Variants in PPP6R2 observed in about 807,000 individuals in gnomAD.
PPP6R2 encodes the protein protein phosphatase 6 regulatory subunit 2, also known as serine/threonine-protein phosphatase 6 regulatory subunit 2.
A neutral mutation model predicts 100.2 loss-of-function variants in PPP6R2; 62 were observed. That is an observed-to-expected ratio of 0.62 (90% CI 0.50 to 0.76). PPP6R2 has a LOEUF of 0.76. PPP6R2 is among the 30% of genes least tolerant of loss of function. PPP6R2 has a pLI of 0.00. For synonymous variants in PPP6R2, 525 were observed against 514.7 expected (o/e 1.02, Z -0.27); for missense variants, 1,142 against 1,276.3 (o/e 0.89, Z 1.60).
rs548893595 is a variant in PPP6R2 at position 50,356,118 on chromosome 22, A to G, written c.-148+12568A>G. Among the ~76,000 whole-genome samples, 18 of 150,584 alleles carry G rather than the reference A, an allele frequency of 1.2e-4. No individual in the cohort carries two copies. In the East Asian group the frequency reaches 3.6e-3, roughly 30 times the overall value. On this transcript the variant is annotated intron_variant, in intron 1 of 23. Coordinates refer to ENST00000612753, the MANE Select transcript of PPP6R2 (RefSeq NM_001242898.2). ...GCTGGGACCACAGGCGCCCGCCACCACGCCCGGCTAATTTTTTCTATTTTT... is the reference window on the plus strand; with the variant it reads ...GCTGGGACCACAGGCGCCCGCCACCGCGCCCGGCTAATTTTTTCTATTTTT...
At position 50,394,080 on chromosome 22, in the gene PPP6R2, G is replaced by T; in HGVS notation, c.172G>T (p.Val58Leu). 6.2e-7 allele frequency: 1 copy of T among 1,614,196 alleles called. No homozygotes were observed. Among genetic ancestry groups the T allele is most frequent in the Non-Finnish European group, 8.5e-7 (1 of 1,180,044 alleles). The change falls in exon 3 of 24, where the codon GTG becomes TTG. Residue 58 changes from valine (V) to leucine (L), a missense_variant. Transcript: ENST00000612753. ...CAGGCAGCAGTGCATGGAGGAGCTG[G>T]TGAGCCTCATCACACAGGATCCGCC... ...LCRQQCMEEL[V>L]SLITQDPPLD...
chr22:50,425,435 T>G (rs888324229), intron 10 of PPP6R2, among the ~76,000 whole-genome samples: 3 of 152,256 alleles, frequency 2.0e-5, no homozygotes, highest in Non-Finnish European at 4.4e-5. Context: ...TTGGCTATTG[T>G]GAATAACACT....
At chr22:50,438,467 C>T (rs1448282418) in intron 18 of PPP6R2, 132 bp from the exon 19 acceptor site, 3 of 1,428,602 alleles carry the variant, frequency 2.1e-6, no homozygotes, top group Admixed American at 2.1e-5. Context: ...GAGCTGAGGC[C>T]TGGAGCGTCT....
chr22:50,367,837 T>C (rs1270785105), intron 1 of PPP6R2, among the ~76,000 whole-genome samples: 1 of 152,070 alleles, frequency 6.6e-6, no homozygotes, highest in African/African-American at 2.4e-5. Context: ...GAAAAGACAG[T>C]TGGGCCTGGG....
At chr22:50,338,925 A>T (rs1420227588), upstream of PPP6R2, among the ~76,000 whole-genome samples, 2 of 71,898 alleles carry the variant, frequency 2.8e-5, no homozygotes, top group African/African-American at 1.3e-4. Flanking sequence ...TGTGTGTGGT[A>T]TGTGGTGTGT....
intron 12 of PPP6R2, 38 bp from the exon 13 acceptor site, chr22:50,434,928 G>A: frequency 3.2e-6 from 5 of 1,571,978 alleles, no homozygotes; most frequent in Non-Finnish European, 4.3e-6. Context: ...GCAAGGTCGG[G>A]GCCAGGAGGC....
At chr22:50,406,665 A>G (rs570640598) in intron 3 of PPP6R2, 24 bp from the exon 4 acceptor site, 1 of 1,600,140 alleles carries the variant, frequency 6.2e-7, no homozygotes, top group South Asian at 1.1e-5. Flanking sequence ...TTTCACCTCC[A>G]GTGCTTGGAC....
intron 4 of PPP6R2, among the ~76,000 whole-genome samples, chr22:50,414,330 GGCCCCCCCCCCCC>G (rs1569451690): frequency 7.1e-5 from 2 of 28,218 alleles, no homozygotes; most frequent in African/African-American, 1.1e-4. Flanking sequence ...CCTGTGCAGT[GGCCCCCCCCCCCC>G]CCCCCCCGCC....
At chr22:50,393,622 AG>A (rs1275923935) in intron 2 of PPP6R2, 3 of 949,946 alleles carry the variant, frequency 3.2e-6, no homozygotes, top group Non-Finnish European at 3.8e-6. Context: ...GTGCAGCCTC[AG>A]AGCTGTTGAG....
At chr22:50,404,187 C>A (rs1408297576) in intron 3 of PPP6R2, among the ~76,000 whole-genome samples, 2 of 151,646 alleles carry the variant, frequency 1.3e-5, no homozygotes, top group African/African-American at 4.9e-5. Flanking sequence ...CTCTGCCTCC[C>A]AGGTTCAAGT....
At chr22:50,424,308 G>A (rs2061711994) in intron 10 of PPP6R2, among the ~76,000 whole-genome samples, 1 of 151,848 alleles carries the variant, frequency 6.6e-6, no homozygotes, top group African/African-American at 2.4e-5. Flanking sequence ...TCGAAGTGCT[G>A]TCTGGCTCAG....
chr22:50,401,620 T>G (rs1414384760), intron 3 of PPP6R2, among the ~76,000 whole-genome samples: 1 of 150,800 alleles, frequency 6.6e-6, no homozygotes, highest in Non-Finnish European at 1.5e-5. Flanking sequence ...CACACCATTC[T>G]CCCGCCTCAG....
rs147975719 is a variant in PPP6R2, at chr22:50,413,935, G to A, written c.415-617G>A. ...ACTTCTCCACTGTTACCTTGGATCCGCCGTCTGAGCAGCCCACTGCGTCTG... is the reference window on the plus strand; with the variant it reads ...ACTTCTCCACTGTTACCTTGGATCCACCGTCTGAGCAGCCCACTGCGTCTG... On this transcript the variant is annotated intron_variant, in intron 4 of 23. Transcript: ENST00000612753. Among the ~76,000 whole-genome samples, 34 of 152,298 alleles carry A rather than the reference G, an allele frequency of 2.2e-4. No homozygotes were observed. The East Asian group carries it at 3.3e-3, about 15-fold the overall frequency.
At chr22:50,422,572 C>T (rs1355094067) in intron 9 of PPP6R2, among the ~76,000 whole-genome samples, 192 bp downstream of exon 9, 2 of 152,180 alleles carry the variant, frequency 1.3e-5, no homozygotes, top group Admixed American at 6.5e-5. Flanking sequence ...GACTGCCCCT[C>T]CCAGATCTGC....
chr22:50,389,670 C>G (rs976112775), intron 2 of PPP6R2, among the ~76,000 whole-genome samples: 1 of 151,738 alleles, frequency 6.6e-6, no homozygotes, highest in Non-Finnish European at 1.5e-5. Flanking sequence ...GTGATTTCAG[C>G]TCACTGCAAC....
At chr22:50,393,534 G>C (rs1010655137) in intron 2 of PPP6R2, 1 of 985,082 alleles carries the variant, frequency 1.0e-6, no homozygotes, top group African/African-American at 1.7e-5. Flanking sequence ...TGGTGGGTGG[G>C]GGACAGTGTG....
At chr22:50,339,606 GGTGT>G (rs1238088780), upstream of PPP6R2, among the ~76,000 whole-genome samples, 1 of 116,096 alleles carries the variant, frequency 8.6e-6, no homozygotes, top group East Asian at 2.9e-4. Context: ...TGGTGTGTGC[GGTGT>G]GTGTGGTATG....
intron 1 of PPP6R2, among the ~76,000 whole-genome samples, chr22:50,349,737 C>T (rs1247847464): frequency 6.7e-6 from 1 of 149,880 alleles, no homozygotes; most frequent in Non-Finnish European, 1.5e-5. Flanking sequence ...ATTGCTTGAA[C>T]CCGGGAAGCG....
At chr22:50,420,882 C>T (rs558113232) in intron 8 of PPP6R2, among the ~76,000 whole-genome samples, 14 of 152,340 alleles carry the variant, frequency 9.2e-5, no homozygotes, top group South Asian at 2.1e-4. Context: ...AGGACGTTTC[C>T]GTCGTCTCCG....
Sources: allele counts gnomAD v4.1 joint callset (sites outside exome capture counted in the v4.1 genomes callset), GRCh38; gene constraint gnomAD v4.1.1; transcripts MANE v1.5; gene names NCBI Gene and HGNC (gene_info 2026-07-23, HGNC 2026-07-21).